The following NETO1 variants were observed in gnomAD, a reference collection of about 807,000 sequenced individuals.
The protein encoded by NETO1 is neuropilin and tolloid-like protein 1.
A neutral mutation model predicts 61.3 loss-of-function variants in NETO1; 26 were observed. The ratio of observed to expected loss-of-function variants is 0.42; its 90% confidence interval spans 0.31 to 0.59. The LOEUF is 0.59. Among genes scored for constraint, NETO1 ranks in the 20% least tolerant of loss-of-function variants. The pLI, the probability that NETO1 is intolerant of heterozygous loss-of-function variation, is 0.12. For synonymous variants in NETO1, 225 were observed against 225.8 expected, an observed-to-expected ratio of 1.00 and a Z score of 0.03; for missense variants, 531 against 662.8, an observed-to-expected ratio of 0.80 and a Z score of 2.18.
In NETO1 at chr18:72,815,810, C is replaced by T. The variant is rs559192252; in HGVS notation, c.470-21406G>A. Among the ~76,000 whole-genome samples, 37 of 152,086 alleles carry T rather than the reference C, an allele frequency of 2.4e-4. 1 individual carries two copies. The South Asian group carries it at 4.2e-3, about 17-fold the overall frequency. On this transcript the variant is annotated intron_variant, in intron 4 of 10. Transcript: ENST00000327305. ...AAACTATCAGTTGTGGCTGGGAGAA[C>T]AGGTAAGAAAATCCTACTGGATATA...
intron 7 of NETO1, among the ~76,000 whole-genome samples, chr18:72,781,145 T>C (rs941278129): frequency 5.9e-5 from 9 of 152,326 alleles, no homozygotes; most frequent in African/African-American, 2.2e-4. Flanking sequence ...TTATATTTTA[T>C]GGTATACTTT....
intron 6 of NETO1, among the ~76,000 whole-genome samples, chr18:72,789,205 C>A (rs1283582642): frequency 8.8e-6 from 1 of 113,014 alleles, no homozygotes; most frequent in Non-Finnish European, 1.8e-5. Context: ...AATATTAACA[C>A]ACAAGCACAC....
chr18:72,847,803 A>G (rs2074134010), intron 4 of NETO1, among the ~76,000 whole-genome samples: 1 of 152,220 alleles, frequency 6.6e-6, no homozygotes, highest in East Asian at 1.9e-4. Flanking sequence ...TCCATCCACC[A>G]GTAAAACCTT....
chr18:72,806,124 A>G (rs959681350), intron 4 of NETO1, among the ~76,000 whole-genome samples: 3 of 152,170 alleles, frequency 2.0e-5, no homozygotes, highest in Non-Finnish European at 4.4e-5. Context: ...CCTGAAGCCC[A>G]GTAATTCTGT....
chr18:72,830,764 C>G lies in NETO1; in HGVS notation c.469+28062G>C, dbSNP rs2073549627. Among the ~76,000 whole-genome samples, 1 of 152,216 alleles carries G rather than the reference C, an allele frequency of 6.6e-6. No individual in the cohort carries two copies. Among genetic ancestry groups the G allele is most frequent in the Middle Eastern group, 3.4e-3 (1 of 294 alleles). On this transcript the variant is annotated intron_variant, in intron 4 of 10. Coordinates refer to ENST00000327305, the MANE Select transcript of NETO1 (RefSeq NM_138966.5). The surrounding 1 kb of genome is among the most constrained non-coding windows in gnomAD (Gnocchi z 4.9). Reference sequence around the variant, plus strand: ...TGACTGCATTTTCCCTCAAATTCACCATCTCCTCTTTCTTAATCCTTCCAT... The same window carrying G: ...TGACTGCATTTTCCCTCAAATTCACGATCTCCTCTTTCTTAATCCTTCCAT...
chr18:72,843,646 C>T (rs2074000882), intron 4 of NETO1, among the ~76,000 whole-genome samples: 1 of 152,156 alleles, frequency 6.6e-6, no homozygotes, highest in East Asian at 1.9e-4. Context: ...TTTTGGTAAC[C>T]AGCCTCAGGA....
chr18:72,815,622 A>G (rs2073007570), intron 4 of NETO1, among the ~76,000 whole-genome samples: 1 of 152,238 alleles, frequency 6.6e-6, no homozygotes, highest in African/African-American at 2.4e-5. Flanking sequence ...AGCAGCCAAC[A>G]AAACAGAAAA....
At position 72,843,159 on chromosome 18, in the gene NETO1, T is replaced by A. The variant is rs570839898; in HGVS notation, c.469+15667A>T. The stretch of plus-strand genomic sequence containing the variant: ...AACATGTAGGAATATGTATCAAAAA[T>A]GCTTTCCAAAATATTTTACCCGTTC... On this transcript the variant is annotated intron_variant, in intron 4 of 10. Transcript: ENST00000327305. Among the ~76,000 whole-genome samples, 13 of 152,314 alleles carry A rather than the reference T, an allele frequency of 8.5e-5. No individual in the cohort carries two copies. The South Asian group carries it at 2.5e-3, about 29-fold the overall frequency.
intron 4 of NETO1, among the ~76,000 whole-genome samples, chr18:72,828,536 T>G (rs2145366923): frequency 6.6e-6 from 1 of 152,300 alleles, no homozygotes; most frequent in East Asian, 1.9e-4. Flanking sequence ...TCAATAAAAT[T>G]TTTCAAACTA....
chr18:72,757,586 A>G, intron 7 of NETO1, among the ~76,000 whole-genome samples: 1 of 152,170 alleles, frequency 6.6e-6, no homozygotes, highest in East Asian at 1.9e-4. Flanking sequence ...ATTTTGGAAA[A>G]TGAAAATTAA....
chr18:72,817,519 A>G (rs2073064978), intron 4 of NETO1, among the ~76,000 whole-genome samples: 1 of 152,242 alleles, frequency 6.6e-6, no homozygotes, highest in Middle Eastern at 3.2e-3. Context: ...TTTTTAAACC[A>G]ACAAAGTAAA....
Position 72,841,455 on chromosome 18 carries a change from G to A in NETO1, c.469+17371C>T, listed in dbSNP as rs182203295. 2.0e-4 allele frequency among the ~76,000 whole-genome samples: 30 copies of A among 152,120 alleles called. No homozygotes were observed. In the East Asian group the frequency reaches 2.5e-3, roughly 13 times the overall value. ...CAAGCTCAGAAAGGCCATTTTGGCC[G>A]GGTGCGGTGGCTCACGTCTGCAACC... On this transcript the variant is annotated intron_variant, in intron 4 of 10. Coordinates refer to ENST00000327305, the MANE Select transcript of NETO1 (RefSeq NM_138966.5).
At chr18:72,791,895 A>G (rs2072131478) in intron 6 of NETO1, among the ~76,000 whole-genome samples, 1 of 152,192 alleles carries the variant, frequency 6.6e-6, no homozygotes, top group South Asian at 2.1e-4. Flanking sequence ...GTTTCATGTG[A>G]GCAACAGCTT....
chr18:72,782,739 G>T (rs2071786704), intron 7 of NETO1, among the ~76,000 whole-genome samples: 1 of 152,104 alleles, frequency 6.6e-6, no homozygotes, highest in Non-Finnish European at 1.5e-5. Context: ...GGGAGGCAAA[G>T]GTTGCTGTGA....
At chr18:72,742,591 T>C (rs1938222148), downstream of NETO1, 1 of 152,190 alleles carries the variant, frequency 6.6e-6, no homozygotes, top group African/African-American at 2.4e-5. Flanking sequence ...GGGGTTAATA[T>C]GAATAAGTAT....
intron 7 of NETO1, among the ~76,000 whole-genome samples, chr18:72,772,826 TATATATATATATATATATATATATATATA>T: frequency 1.7e-4 from 1 of 5,746 alleles, no homozygotes; most frequent in Non-Finnish European, 3.0e-4. Flanking sequence ...TCTCTCTCTC[TATATATATATATATATATATATATATATA>T]TATATATATA....
Position 72,865,242 on chromosome 18 carries a change from C to T in NETO1, c.29-1G>A, listed in dbSNP as rs1286164531. On this transcript the variant is annotated splice_acceptor_variant, in intron 1 of 10. Transcript: ENST00000327305. LOFTEE classifies it high-confidence loss of function. ...TGGAGGATGATTAAACTTGCTACAA[C>T]TGAAACAGAAAAGAAAAATTAGAGA... 1.9e-6 allele frequency: 3 copies of T among 1,611,016 alleles called. No homozygotes were observed. Among genetic ancestry groups the T allele is most frequent in the African/African-American group, 2.7e-5 (2 of 74,772 alleles).
Position 72,794,396 on chromosome 18 carries a change from A to AGCT in NETO1, c.477_478insAGC (p.Asp159_Phe160insSer). 6.2e-7 allele frequency: 1 copy of AGCT among 1,610,198 alleles called. No homozygotes were observed. Among genetic ancestry groups the AGCT allele is most frequent in the Admixed American group, 1.7e-5 (1 of 59,230 alleles). ...GGTTTCAAAGCTCCAAGGTCCTTAAAGTCAGGATCTTAAAAATTGAGAAAA... is the reference window on the plus strand; with the variant it reads ...GGTTTCAAAGCTCCAAGGTCCTTAAAGCTGTCAGGATCTTAAAAATTGAGAAAA... On this transcript the variant is annotated inframe_insertion, in exon 5 of 11. Coordinates refer to ENST00000327305, the MANE Select transcript of NETO1 (RefSeq NM_138966.5).
chr18:72,852,460 C>T (rs2074280628), intron 4 of NETO1, among the ~76,000 whole-genome samples: 1 of 152,188 alleles, frequency 6.6e-6, no homozygotes, highest in African/African-American at 2.4e-5. Flanking sequence ...CGTGATCCGC[C>T]GGCTTCAACT....
Sources: gnomAD v4.1 joint callset for allele counts (sites outside exome capture counted in the v4.1 genomes callset) on GRCh38, gnomAD v4.1.1 for gene constraint, Gnocchi (gnomAD v3.1) non-coding constraint, MANE v1.5 for transcripts, NCBI Gene and HGNC (gene_info 2026-07-23, HGNC 2026-07-21) for gene names.